The following ANK3 variants were observed in gnomAD, a reference collection of about 807,000 sequenced individuals.
ANK3 encodes ankyrin-3.
A neutral mutation model predicts 370.9 loss-of-function variants in ANK3; 57 were observed. The ratio of observed to expected loss-of-function variants is 0.15; its 90% confidence interval spans 0.12 to 0.19. The LOEUF is 0.19. ANK3 is among the 10% of genes least tolerant of loss of function. The probability of loss-of-function intolerance (pLI) is 1.00; values close to 1 mark genes in which losing one functional copy is unlikely to be tolerated. For synonymous variants in ANK3, 1,929 were observed against 1,946.3 expected (o/e 0.99, Z 0.23); for missense variants, 4,439 against 5,302.1 (o/e 0.84, Z 5.06).
At chr10:60,720,085 G>T (rs958154056) in intron 1 of ANK3, among the ~76,000 whole-genome samples, 4 of 152,152 alleles carry the variant, frequency 2.6e-5, no homozygotes, top group African/African-American at 9.7e-5. Flanking sequence ...TTAAGCAAAA[G>T]AATCTGATGT....
At chr10:60,405,041 T>A (rs1451978548) in intron 2 of ANK3, among the ~76,000 whole-genome samples, 2 of 152,154 alleles carry the variant, frequency 1.3e-5, no homozygotes, top group African/African-American at 4.8e-5. Flanking sequence ...TTGGCAAGGA[T>A]GTAAAACAAC....
chr10:60,360,185 G>T (rs1199523301), intron 1 of ANK3, among the ~76,000 whole-genome samples: 3 of 152,184 alleles, frequency 2.0e-5, no homozygotes, highest in African/African-American at 7.2e-5. Context: ...CTGGCAGAGT[G>T]AGAGACAACT....
At chr10:60,322,332 A>G (rs1466131282) in intron 1 of ANK3, among the ~76,000 whole-genome samples, 2 of 152,224 alleles carry the variant, frequency 1.3e-5, no homozygotes, top group African/African-American at 2.4e-5. Flanking sequence ...TACTGATTGC[A>G]GATTCATTTC....
chr10:60,195,692 C>T (rs1357269212), intron 16 of ANK3, among the ~76,000 whole-genome samples: 1 of 152,114 alleles, frequency 6.6e-6, no homozygotes, highest in Non-Finnish European at 1.5e-5. Flanking sequence ...ATCAAAAAGG[C>T]CCTAACAATA....
Position 60,336,031 on chromosome 10 carries a change from G to A in ANK3, c.114+53394C>T, listed in dbSNP as rs77322142. On this transcript the variant is annotated intron_variant, in intron 1 of 43. Coordinates refer to ENST00000280772, the MANE Select transcript of ANK3 (RefSeq NM_020987.5). ...AGAAAAAGACCAGAAAATATTCTTCGGATGCGGAAGTTTGATGATCACTGG... is the reference window on the plus strand; with the variant it reads ...AGAAAAAGACCAGAAAATATTCTTCAGATGCGGAAGTTTGATGATCACTGG... Among the ~76,000 whole-genome samples the A allele has an allele frequency of 1.1e-4, 17 of 152,090 alleles. No homozygotes were observed. In the East Asian group the frequency reaches 1.4e-3, roughly 12 times the overall value.
chr10:60,075,528 C>T lies in ANK3; in HGVS notation c.5353G>A (p.Ala1785Thr). The T allele has an allele frequency of 6.2e-7, 1 of 1,613,832 alleles. No homozygotes were observed. Among genetic ancestry groups the T allele is most frequent in the East Asian group, 2.2e-5 (1 of 44,886 alleles). ...FSPLRSYVSA[A>T]PSAFQSLRTP... ...CTTAGAGACTGAAAAGCTGATGGTG[C>T]TGCAGAAACATATGACCTGAGTGGG... Residue 1785 changes from alanine to threonine, a missense_variant, in exon 37 of 44, where the codon GCA (alanine) becomes ACA (threonine). Ala to Thr is a moderately conservative substitution (Grantham distance 58). Coordinates refer to ENST00000280772, the MANE Select transcript of ANK3 (RefSeq NM_020987.5).
At chr10:60,064,675 A>ACAG (rs35162057) in intron 38 of ANK3, among the ~76,000 whole-genome samples, 2 of 138,554 alleles carry the variant, frequency 1.4e-5, no homozygotes, top group African/African-American at 5.5e-5. Context: ...ACACACAGCA[A>ACAG]CAACAACAAC....
At chr10:60,221,400 G>T (rs1441437650) in intron 8 of ANK3, among the ~76,000 whole-genome samples, 2 of 152,042 alleles carry the variant, frequency 1.3e-5, no homozygotes, top group African/African-American at 4.8e-5. Flanking sequence ...CTTTTCAAAA[G>T]AAGTTTTAAT....
chr10:60,678,163 G>A (rs904287299), intron 1 of ANK3, among the ~76,000 whole-genome samples: 1 of 152,172 alleles, frequency 6.6e-6, no homozygotes, highest in Non-Finnish European at 1.5e-5. Context: ...GAGTTAGCTT[G>A]AATATTTCAA....
rs752501387 is a variant in ANK3, at chr10:60,028,287, A to C, written c.*1559T>G. On this transcript the variant is annotated 3_prime_UTR_variant, in exon 44 of 44. Transcript: ENST00000280772. ...TATGAATGTTAGAGATTATCTCTTC[A>C]GTGACCACAGAGGCACAAAGAGGAC... 6.6e-6 allele frequency: 1 copy of C among 152,658 alleles called. No individual in the cohort carries two copies. The highest frequency in any genetic ancestry group is 1.5e-5 in the Non-Finnish European group (1 of 68,038). 9.5% of individuals were successfully genotyped at this position (152,658 alleles called of 1,614,324 possible).
At chr10:60,239,964 T>C (rs986088714) in intron 7 of ANK3, among the ~76,000 whole-genome samples, 2 of 150,356 alleles carry the variant, frequency 1.3e-5, no homozygotes, top group East Asian at 1.9e-4. Flanking sequence ...TAAATATATA[T>C]GCATTCTAAA....
intron 42 of ANK3, among the ~76,000 whole-genome samples, chr10:60,051,920 A>G (rs1001398981): frequency 1.3e-5 from 2 of 151,978 alleles, no homozygotes; most frequent in African/African-American, 4.8e-5. Flanking sequence ...TTTAAAATCT[A>G]TATTCATCTA....
Position 60,307,370 on chromosome 10 carries a change from T to C in ANK3, c.115-27731A>G, listed in dbSNP as rs556281142. Among the ~76,000 whole-genome samples, 407 of 152,200 alleles carry C rather than the reference T, an allele frequency of 2.7e-3. 2 individuals are homozygous for C. The highest frequency in any genetic ancestry group is 9.5e-3 in the African/African-American group (394 of 41,520). ...TTTATAGAGACAGAGTCCCAGTCTG[T>C]CACCCAGGCCAGAGCGCAATGGCAT... On this transcript the variant is annotated intron_variant, in intron 1 of 43. Transcript: ENST00000280772.
intron 8 of ANK3, among the ~76,000 whole-genome samples, chr10:60,221,704 C>T (rs997865476): frequency 1.4e-4 from 21 of 152,164 alleles, no homozygotes; most frequent in African/African-American, 3.4e-4. Flanking sequence ...AAATTTAGAA[C>T]GAGGCTTGGA....
intron 28 of ANK3, among the ~76,000 whole-genome samples, chr10:60,101,635 G>A (rs1018539455): frequency 1.1e-4 from 16 of 152,192 alleles, no homozygotes; most frequent in Admixed American, 7.9e-4. Context: ...GTGATGGCAA[G>A]TTCTTCACAC....
At chr10:60,158,272 A>G (rs1365026410) in intron 23 of ANK3, among the ~76,000 whole-genome samples, 2 of 152,220 alleles carry the variant, frequency 1.3e-5, no homozygotes, top group African/African-American at 2.4e-5. Flanking sequence ...GCAACAAGAA[A>G]TCATTTAAAT....
chr10:60,241,384 C>T (rs942776952), intron 7 of ANK3, among the ~76,000 whole-genome samples: 1 of 152,042 alleles, frequency 6.6e-6, no homozygotes, highest in South Asian at 2.1e-4. Context: ...GTTCTTGTAC[C>T]AAATAAATTT....
At chr10:60,171,904 T>G (rs569576639) in intron 21 of ANK3, among the ~76,000 whole-genome samples, 1 of 152,250 alleles carries the variant, frequency 6.6e-6, no homozygotes, top group Admixed American at 6.5e-5. Flanking sequence ...AATGTATCCA[T>G]GTACCATTTG....
chr10:60,371,576 A>G (rs1221724765), intron 1 of ANK3, among the ~76,000 whole-genome samples: 1 of 152,182 alleles, frequency 6.6e-6, no homozygotes, highest in Non-Finnish European at 1.5e-5. Context: ...TATTCACTGC[A>G]CTACAACAAA....
Sources: gnomAD v4.1 joint callset for allele counts (sites outside exome capture counted in the v4.1 genomes callset) on GRCh38, gnomAD v4.1.1 for gene constraint, MANE v1.5 for transcripts, NCBI Gene and HGNC (gene_info 2026-07-23, HGNC 2026-07-21) for gene names.